Variants in MCTP2 observed in about 807,000 individuals in gnomAD.
MCTP2 encodes multiple C2 and transmembrane domain-containing protein 2.
A neutral mutation model predicts 111.6 loss-of-function variants in MCTP2; 132 were observed. That is an observed-to-expected ratio of 1.18 (90% CI 1.03 to 1.37). MCTP2 has a LOEUF of 1.37. MCTP2 is among the 40% of genes most tolerant of loss of function. MCTP2 has a pLI of 0.00. For synonymous variants in MCTP2, 395 were observed against 387.7 expected (o/e 1.02, Z -0.22); for missense variants, 1,183 against 1,067.9 (o/e 1.11, Z -1.50).
At chr15:94,477,927 G>A (rs1421391793) in intron 22 of MCTP2, among the ~76,000 whole-genome samples, 2 of 152,104 alleles carry the variant, frequency 1.3e-5, no homozygotes, top group Non-Finnish European at 2.9e-5. Flanking sequence ...GTCATCCTCT[G>A]CTCCCTTAGG....
At chr15:94,342,381 A>G (rs937299839) in intron 7 of MCTP2, 5 of 152,148 alleles carry the variant, frequency 3.3e-5, no homozygotes, top group African/African-American at 7.2e-5. Context: ...CAAAGAGACT[A>G]TGTTTTCAGG....
intron 21 of MCTP2, 131 bp downstream of exon 21, chr15:94,470,573 G>C: frequency 1.3e-6 from 1 of 744,666 alleles, no homozygotes; most frequent in East Asian, 2.7e-5. Flanking sequence ...GAAAGCATTT[G>C]GGGAACAAAA....
intron 1 of MCTP2, among the ~76,000 whole-genome samples, chr15:94,293,390 A>G (rs549861449): frequency 5.3e-4 from 80 of 152,370 alleles, no homozygotes; most frequent in African/African-American, 1.8e-3. Context: ...AAATTGTGTA[A>G]AAGTCTTGAA....
intron 20 of MCTP2, among the ~76,000 whole-genome samples, chr15:94,462,625 A>G (rs77127024): frequency 0.03 from 4,494 of 152,318 alleles, 106 homozygotes; most frequent in Middle Eastern, 0.048. Flanking sequence ...GCTAGATTAC[A>G]TGAGTAACAT....
rs113560620 is a variant in MCTP2, at chr15:94,296,426, C to T, written c.-65-1775C>T. Among the ~76,000 whole-genome samples the T allele has an allele frequency of 1.1e-3, 162 of 152,328 alleles. 1 individual carries two copies. Among genetic ancestry groups the T allele is most frequent in the African/African-American group, 3.4e-3 (143 of 41,580 alleles). The stretch of plus-strand genomic sequence containing the variant: ...TCGCTAACATTGTATTAAACATTTA[C>T]TCCATACCTAGCACTGTTCTAGATA... On this transcript the variant is annotated intron_variant, in intron 1 of 22. Coordinates refer to ENST00000357742, the MANE Select transcript of MCTP2 (RefSeq NM_001385001.1).
chr15:94,322,857 C>T (rs186652392), intron 4 of MCTP2, among the ~76,000 whole-genome samples: 1 of 152,232 alleles, frequency 6.6e-6, no homozygotes. Context: ...AAAGACAGCT[C>T]ACAAACCCCA....
intron 1 of MCTP2, among the ~76,000 whole-genome samples, chr15:94,245,452 A>ATATATACATACATG (rs1567265535): frequency 5.8e-5 from 8 of 138,842 alleles, no homozygotes; most frequent in African/African-American, 1.6e-4. Context: ...ACATATATGT[A>ATATATACATACATG]TATGTATTTA....
chr15:94,457,372 G>A (rs776772961), intron 19 of MCTP2, among the ~76,000 whole-genome samples: 6 of 152,174 alleles, frequency 3.9e-5, no homozygotes, highest in Admixed American at 6.5e-5. Flanking sequence ...ACACATGTAA[G>A]GTTTTCTATA....
chr15:94,277,901 A>G (rs569658162), intron 1 of MCTP2, among the ~76,000 whole-genome samples: 1 of 152,186 alleles, frequency 6.6e-6, no homozygotes, highest in African/African-American at 2.4e-5. Flanking sequence ...TACAAGATGT[A>G]AATAAAAGCG....
chr15:94,273,042 C>T (rs1364002054), intron 1 of MCTP2, among the ~76,000 whole-genome samples: 1 of 152,220 alleles, frequency 6.6e-6, no homozygotes, highest in Non-Finnish European at 1.5e-5. Flanking sequence ...CCCTTGAAAA[C>T]CTGTACTTCT....
At chr15:94,254,527 C>T (rs2072644133) in intron 1 of MCTP2, among the ~76,000 whole-genome samples, 1 of 152,182 alleles carries the variant, frequency 6.6e-6, no homozygotes, top group African/African-American at 2.4e-5. Flanking sequence ...AGTGCCTGCA[C>T]TTAGTCACTG....
intron 20 of MCTP2, among the ~76,000 whole-genome samples, chr15:94,466,148 C>T (rs1317122374): frequency 1.3e-5 from 2 of 152,080 alleles, no homozygotes; most frequent in Admixed American, 1.3e-4. Flanking sequence ...TATCTTCAAG[C>T]ATCTCTTACA....
intron 21 of MCTP2, among the ~76,000 whole-genome samples, chr15:94,471,038 A>C (rs1318817349): frequency 2.6e-5 from 4 of 152,236 alleles, no homozygotes; most frequent in African/African-American, 9.6e-5. Flanking sequence ...AGTAGAAACA[A>C]AACTGGCAAA....
chr15:94,467,140 T>C (rs946617239), intron 20 of MCTP2, among the ~76,000 whole-genome samples: 2 of 152,194 alleles, frequency 1.3e-5, no homozygotes, highest in African/African-American at 4.8e-5. Context: ...ATTCCTGTTT[T>C]AGAGATGGGA....
Position 94,400,011 on chromosome 15 carries a change from A to G in MCTP2, c.1965+16A>G, listed in dbSNP as rs1180736296. On this transcript the variant is annotated intron_variant, in intron 16 of 22. Coordinates refer to ENST00000357742, the MANE Select transcript of MCTP2 (RefSeq NM_001385001.1). ...GTCCAAAAAGGTGGGTCGCTACAGT[A>G]GGTGGCTTGTTGATTGGTACACTCA... 6.2e-7 allele frequency: 1 copy of G among 1,612,984 alleles called. No homozygotes were observed. Among genetic ancestry groups the G allele is most frequent in the South Asian group, 1.1e-5 (1 of 91,052 alleles).
At chr15:94,335,964 T>G (rs780274302) in intron 4 of MCTP2, among the ~76,000 whole-genome samples, 6 of 152,232 alleles carry the variant, frequency 3.9e-5, no homozygotes, top group Non-Finnish European at 8.8e-5. Context: ...TTCAGAGTTG[T>G]GTGCATGTAT....
At chr15:94,391,564 A>G (rs1443258721) in intron 14 of MCTP2, among the ~76,000 whole-genome samples, 1 of 152,214 alleles carries the variant, frequency 6.6e-6, no homozygotes, top group Non-Finnish European at 1.5e-5. Context: ...AAATTATTTG[A>G]TAAACACAAA....
At chr15:94,299,512 CTT>C (rs2075497435) in intron 2 of MCTP2, among the ~76,000 whole-genome samples, 1 of 152,118 alleles carries the variant, frequency 6.6e-6, no homozygotes, top group Non-Finnish European at 1.5e-5. Flanking sequence ...GTTAACAAAA[CTT>C]TAGTATTTCA....
intron 17 of MCTP2, among the ~76,000 whole-genome samples, chr15:94,405,881 TA>T (rs1223084185): frequency 6.6e-6 from 1 of 152,222 alleles, no homozygotes; most frequent in Non-Finnish European, 1.5e-5. Context: ...ATTAAGGATA[TA>T]TTTTTTCTTT....
Sources: gnomAD v4.1 joint callset for allele counts (sites outside exome capture counted in the v4.1 genomes callset) on GRCh38, gnomAD v4.1.1 for gene constraint, MANE v1.5 for transcripts, NCBI Gene and HGNC (gene_info 2026-07-23, HGNC 2026-07-21) for gene names.